Variants in CAP2 observed in about 807,000 individuals in gnomAD.
The protein encoded by CAP2 is adenylyl cyclase-associated protein 2.
A neutral mutation model predicts 57.7 loss-of-function variants in CAP2; 24 were observed. The ratio of observed to expected loss-of-function variants is 0.42; its 90% CI spans 0.30 to 0.58. The LOEUF is 0.58. CAP2 is among the 20% of genes least tolerant of loss of function. CAP2 has a pLI of 0.22. For synonymous variants in CAP2, 194 were observed against 207.2 expected, an observed-to-expected ratio of 0.94 and a Z score of 0.55; for missense variants, 501 against 590.3, an observed-to-expected ratio of 0.85 and a Z score of 1.57.
intron 1 of CAP2, among the ~76,000 whole-genome samples, chr6:17,405,739 G>A (rs1758946904): frequency 6.6e-6 from 1 of 152,058 alleles, no homozygotes; most frequent in Admixed American, 6.6e-5. Flanking sequence ...AAGCACAAAA[G>A]CATAATGTTT....
At chr6:17,548,219 A>G (rs1259269410) in intron 11 of CAP2, among the ~76,000 whole-genome samples, 6 of 151,840 alleles carry the variant, frequency 4.0e-5, no homozygotes, top group African/African-American at 1.5e-4. Context: ...ATACAAAAAA[A>G]TAGCTCGTCA....
intron 3 of CAP2, among the ~76,000 whole-genome samples, chr6:17,433,333 G>A (rs73721537): frequency 0.027 from 4,109 of 152,220 alleles, 170 homozygotes; most frequent in African/African-American, 0.087. Flanking sequence ...TGACTCCTTC[G>A]TCTAAAAGGA....
rs1344771160 is a variant in CAP2 at position 17,532,420 on chromosome 6, C to T, written c.637-6849C>T. ...CCTCCCAAAGTGCTGGGATTACAGG[C>T]GTGAGCCACCGCGCCCAGCTGGGTT... On this transcript the variant is annotated intron_variant, in intron 7 of 12. Transcript: ENST00000229922. Among the ~76,000 whole-genome samples, 9 of 147,086 alleles carry T rather than the reference C, an allele frequency of 6.1e-5. No homozygotes were observed. The South Asian group carries it at 7.1e-4, about 12-fold the overall frequency.
intron 1 of CAP2, among the ~76,000 whole-genome samples, chr6:17,407,096 C>T (rs2113511086): frequency 6.6e-6 from 1 of 152,276 alleles, no homozygotes; most frequent in Non-Finnish European, 1.5e-5. Context: ...TGGGCTTCTT[C>T]CTTCTTGAGT....
intron 3 of CAP2, among the ~76,000 whole-genome samples, chr6:17,450,265 A>T (rs867356763): frequency 6.6e-6 from 1 of 151,952 alleles, no homozygotes; most frequent in Non-Finnish European, 1.5e-5. Context: ...TTTAGCCAGG[A>T]TGGTCTCTAT....
Position 17,551,649 on chromosome 6 carries a change from C to A in CAP2, c.1350+45C>A, listed in dbSNP as rs769791521. 4 of 1,431,360 alleles carry A rather than the reference C, an allele frequency of 2.8e-6. No homozygotes were observed. The African/African-American group carries it at 5.7e-5, about 20-fold the overall frequency. 88.7% of individuals were successfully genotyped at this position (1,431,360 alleles called of 1,614,324 possible). A position where few individuals can be genotyped will look rare whatever the true frequency, so the allele number is the denominator to read the frequency against. ...CTGTCAAGAATTTTTCTGGAGCCTT[C>A]ATTATTAACATTCTTAGAGATTGAT... On this transcript the variant is annotated intron_variant, in intron 12 of 12. Transcript: ENST00000229922.
chr6:17,551,393 A>G, intron 11 of CAP2, 71 bp from the exon 12 acceptor site: 2 of 1,234,056 alleles, frequency 1.6e-6, no homozygotes, highest in South Asian at 1.4e-5. Context: ...AGGAATTGAG[A>G]TTGTATTTAT....
intron 1 of CAP2, among the ~76,000 whole-genome samples, chr6:17,407,806 A>G (rs1294566182): frequency 6.6e-6 from 1 of 150,824 alleles, no homozygotes; most frequent in Admixed American, 6.6e-5. Flanking sequence ...AAAAAAATCA[A>G]AGTCAAGTGT....
intron 7 of CAP2, among the ~76,000 whole-genome samples, chr6:17,533,572 CTTT>C (rs11398161): frequency 2.9e-5 from 4 of 139,284 alleles, no homozygotes; most frequent in Non-Finnish European, 3.1e-5. Context: ...GCTTTTCTTT[CTTT>C]TTTTTTTTTT....
chr6:17,471,490 C>T (rs1188785854), intron 4 of CAP2, among the ~76,000 whole-genome samples: 1 of 152,014 alleles, frequency 6.6e-6, no homozygotes, highest in Non-Finnish European at 1.5e-5. Context: ...TTTTAAATAT[C>T]GGTTTCATTG....
chr6:17,436,333 A>T (rs1455174113), intron 3 of CAP2, among the ~76,000 whole-genome samples: 1 of 152,116 alleles, frequency 6.6e-6, no homozygotes, highest in East Asian at 1.9e-4. Flanking sequence ...AGGTTTTACC[A>T]TGTTGGCCAG....
At chr6:17,484,280 G>A (rs1546902) in intron 4 of CAP2, among the ~76,000 whole-genome samples, 6,877 of 152,040 alleles carry the variant, frequency 0.045, 521 homozygotes, top group African/African-American at 0.16. Context: ...GCAGTTGCAC[G>A]AGTCTGCGTC....
intron 11 of CAP2, among the ~76,000 whole-genome samples, chr6:17,545,620 C>T (rs1046650935): frequency 2.6e-5 from 4 of 152,152 alleles, no homozygotes; most frequent in African/African-American, 9.7e-5. Flanking sequence ...CATATGTATA[C>T]ATGTGCCATG....
chr6:17,416,323 C>G (rs1038664805), intron 1 of CAP2, among the ~76,000 whole-genome samples: 15 of 152,112 alleles, frequency 9.9e-5, no homozygotes, highest in Admixed American at 7.2e-4. Flanking sequence ...TTCCCACTGA[C>G]AGCAAAATGA....
chr6:17,397,555 C>T (rs552909201), intron 1 of CAP2, among the ~76,000 whole-genome samples: 76 of 151,862 alleles, frequency 5.0e-4, no homozygotes, highest in African/African-American at 1.4e-3. Context: ...ATTAGCCGGG[C>T]GTGGTGGCGG....
intron 7 of CAP2, among the ~76,000 whole-genome samples, chr6:17,537,628 C>T (rs536488074): frequency 1.4e-4 from 22 of 152,130 alleles, no homozygotes; most frequent in Admixed American, 3.3e-4. Context: ...TTGGCACTTA[C>T]GTAATGTTTT....
chr6:17,403,370 G>T (rs9885750), intron 1 of CAP2, among the ~76,000 whole-genome samples: 22,453 of 152,218 alleles, frequency 0.15, 5,557 homozygotes, highest in African/African-American at 0.51. Context: ...CCCAAAGTGC[G>T]GGGATTACTG....
In CAP2 at chr6:17,507,200, C is replaced by T. The variant is rs368723417; in HGVS notation, c.332C>T (p.Ser111Leu). 5 of 1,613,996 alleles carry T rather than the reference C, an allele frequency of 3.1e-6. No individual in the cohort carries two copies. The highest frequency in any genetic ancestry group is 1.7e-5 in the Admixed American group (1 of 60,002). ...NDVAALLKPI[S>L]EKIQEIQTFR... Reference sequence around the variant, plus strand: ...GTGGCCGCACTTCTGAAACCCATATCGGAAAAGATTCAGGAAATCCAAACT... The same window carrying T: ...GTGGCCGCACTTCTGAAACCCATATTGGAAAAGATTCAGGAAATCCAAACT... Residue 111 changes from serine (S) to leucine (L), a missense_variant, in exon 5 of 13, where the codon TCG becomes TTG. By Grantham distance (145) the Ser-to-Leu change is moderately radical. Coordinates refer to ENST00000229922, the MANE Select transcript of CAP2 (RefSeq NM_006366.3).
chr6:17,404,604 C>CAA (rs71536725), intron 1 of CAP2, among the ~76,000 whole-genome samples: 1 of 127,480 alleles, frequency 7.8e-6, no homozygotes, highest in African/African-American at 3.0e-5. Context: ...GACTCCATCT[C>CAA]AAAAAAAAAA....
Sources: allele counts gnomAD v4.1 joint callset (sites outside exome capture counted in the v4.1 genomes callset), GRCh38; gene constraint gnomAD v4.1.1; transcripts MANE v1.5; gene names NCBI Gene and HGNC (gene_info 2026-07-23, HGNC 2026-07-21).